ARFGEF2: variants seen among roughly 807,000 people sequenced by gnomAD.
ARFGEF2 encodes the protein brefeldin A-inhibited guanine nucleotide-exchange protein 2.
Under a neutral mutation model 219.9 loss-of-function variants are expected in ARFGEF2, and 74 were observed. The observed-to-expected ratio is 0.34, with a 90% CI of 0.28 to 0.41. ARFGEF2 has a LOEUF of 0.41. Ranked by LOEUF, ARFGEF2 falls within the 10% of genes least tolerant of loss-of-function variation. The pLI, the probability that ARFGEF2 is intolerant of heterozygous loss-of-function variation, is 1.00. For synonymous variants in ARFGEF2, 733 were observed against 799.2 expected (o/e 0.92, Z 1.40); for missense variants, 1,743 against 2,218.3 (o/e 0.79, Z 4.30).
At chr20:48,974,505 A>G (rs1435574430) in intron 12 of ARFGEF2, among the ~76,000 whole-genome samples, 1 of 152,098 alleles carries the variant, frequency 6.6e-6, no homozygotes, top group Non-Finnish European at 1.5e-5. Context: ...AATCCAAATA[A>G]CATTGTTCAT....
At chr20:49,028,056 G>A (rs1338964881) in intron 36 of ARFGEF2, among the ~76,000 whole-genome samples, 1 of 152,100 alleles carries the variant, frequency 6.6e-6, no homozygotes, top group African/African-American at 2.4e-5. Context: ...TCAGGAGTTC[G>A]AGACCAGCCT....
chr20:48,971,182 C>T lies in ARFGEF2; in HGVS notation c.1253C>T (p.Ala418Val). Residue 418 changes from alanine to valine, a missense_variant, in exon 10 of 39, where the codon GCT (alanine) becomes GTT (valine). By Grantham distance (64) the Ala-to-Val change is moderately conservative. Around this residue, in one of 5 missense-constraint regions of ARFGEF2, gnomAD observed 666 missense variants for 955.4 expected, o/e 0.70. Transcript: ENST00000371917. Reference protein sequence around the residue: ...LQLLLSVLQNAGPVFRTHEMF... With the variant: ...LQLLLSVLQNVGPVFRTHEMF... ...CTGCTCCTCTCTGTGTTGCAAAATG[C>T]TGGCCCCGTATTCAGGACTCACGAG... is the stretch of plus-strand genomic sequence containing the variant. 1 of 1,614,170 alleles carries T rather than the reference C, an allele frequency of 6.2e-7. No individual in the cohort carries two copies. The highest frequency in any genetic ancestry group is 1.1e-5 in the South Asian group (1 of 91,078).
intron 6 of ARFGEF2, among the ~76,000 whole-genome samples, chr20:48,961,143 C>A (rs1313490327): frequency 1.4e-5 from 2 of 147,110 alleles, no homozygotes; most frequent in Non-Finnish European, 3.0e-5. Context: ...TTAATTTTAG[C>A]TTACTGTAAC....
chr20:49,023,757 C>A (rs2091583566), intron 35 of ARFGEF2, among the ~76,000 whole-genome samples: 1 of 151,826 alleles, frequency 6.6e-6, no homozygotes, highest in Non-Finnish European at 1.5e-5. Flanking sequence ...CCAGGATGGT[C>A]TCGATCTCCT....
intron 35 of ARFGEF2, among the ~76,000 whole-genome samples, chr20:49,024,199 T>C (rs1405086663): frequency 2.0e-5 from 3 of 152,036 alleles, no homozygotes; most frequent in Non-Finnish European, 2.9e-5. Flanking sequence ...TCTCAAACTC[T>C]TGGACTCAAG....
In ARFGEF2 at chr20:49,033,095, C is replaced by G; in HGVS notation, c.5254C>G (p.Arg1752Gly). ...GCAGTTTGACCTGATCCCTGAGCTC[C>G]GAGCAGTTCTGCGGAAGTTCTTCCT... The part of the protein sequence containing the change: ...IMQFDLIPEL[R>G]AVLRKFFLRI... Residue 1752 changes from arginine (R) to glycine (G), a missense_variant, in exon 39 of 39, where the codon CGA becomes GGA. Around this residue, in one of 5 missense-constraint regions of ARFGEF2, gnomAD observed 578 missense variants for 664.0 expected, o/e 0.87. Coordinates refer to ENST00000371917, the MANE Select transcript of ARFGEF2 (RefSeq NM_006420.3). 1 of 1,614,052 alleles carries G rather than the reference C, an allele frequency of 6.2e-7. No individual in the cohort carries two copies. The highest frequency in any genetic ancestry group is 1.1e-5 in the South Asian group (1 of 91,084).
At position 49,033,157 on chromosome 20, in the gene ARFGEF2, A is replaced by C. The variant is rs1056619925; in HGVS notation, c.5316A>C (p.Glu1772Asp). The change falls in exon 39 of 39, where the codon GAA (glutamate) becomes GAC (aspartate). Residue 1772 changes from glutamate (E) to aspartate (D), a missense_variant. Transcript: ENST00000371917. ...TTGTGTATAAGATATGGATACCAGA[A>C]GAGCCATCACAGGTACCAGCAGCAC... ...IGVVYKIWIPEEPSQVPAALS... is the reference protein window; with the variant it reads ...IGVVYKIWIPDEPSQVPAALS... 6 of 1,614,120 alleles carry C rather than the reference A, an allele frequency of 3.7e-6. No homozygotes were observed. The African/African-American group carries it at 8.0e-5, about 22-fold the overall frequency.
chr20:48,978,887 G>A lies in ARFGEF2; in HGVS notation c.1958+2688G>A, dbSNP rs532581963. ...GGAGATTTTGGGCTGAGACGATGGG[G>A]TTTTCTAAACATACAATCATGTCAT... On this transcript the variant is annotated intron_variant, in intron 14 of 38. Transcript: ENST00000371917. Among the ~76,000 whole-genome samples the A allele has an allele frequency of 3.3e-5, 5 of 152,316 alleles. No homozygotes were observed. The South Asian group carries it at 1.0e-3, about 32-fold the overall frequency.
At chr20:48,977,319 A>G (rs991694443) in intron 14 of ARFGEF2, among the ~76,000 whole-genome samples, 2 of 152,120 alleles carry the variant, frequency 1.3e-5, no homozygotes, top group African/African-American at 4.8e-5. Context: ...ATCCTTTCTT[A>G]TGAGGCATAG....
At chr20:48,966,091 T>G in intron 8 of ARFGEF2, 68 bp downstream of exon 8, 1 of 1,591,970 alleles carries the variant, frequency 6.3e-7, no homozygotes. Flanking sequence ...CAGAATTAAG[T>G]CTTTCCTCAA....
At chr20:49,027,075 T>A (rs539870870) in intron 36 of ARFGEF2, among the ~76,000 whole-genome samples, 100 of 152,172 alleles carry the variant, frequency 6.6e-4, no homozygotes, top group Non-Finnish European at 1.3e-3. Flanking sequence ...GTGTTCTTTT[T>A]TTTTTATTAT....
rs537435701 is a variant in ARFGEF2 at position 48,982,952 on chromosome 20, C to T, written c.1959-1777C>T. Among the ~76,000 whole-genome samples, 7 of 152,296 alleles carry T rather than the reference C, an allele frequency of 4.6e-5. No homozygotes were observed. In the East Asian group the frequency reaches 5.8e-4, roughly 13 times the overall value. ...AAATCCTCCGACCCCTTACGCTTCC[C>T]GGGTAAAGCGATGCCCCGCCCTGCT... is the stretch of plus-strand genomic sequence containing the variant. On this transcript the variant is annotated intron_variant, in intron 14 of 38. Coordinates refer to ENST00000371917, the MANE Select transcript of ARFGEF2 (RefSeq NM_006420.3).
chr20:49,024,047 C>G (rs73266210), intron 35 of ARFGEF2, among the ~76,000 whole-genome samples: 2,151 of 152,248 alleles, frequency 0.014, 46 homozygotes, highest in African/African-American at 0.049. Context: ...TCACAGGTAA[C>G]TGGGGTTTCA....
At chr20:48,965,205 A>G (rs1049608071) in intron 7 of ARFGEF2, among the ~76,000 whole-genome samples, 2 of 152,222 alleles carry the variant, frequency 1.3e-5, no homozygotes, top group Admixed American at 1.3e-4. Flanking sequence ...TCCAGCCGCT[A>G]CTGCAGAGCC....
At chr20:48,993,161 C>A (rs1367017383) in intron 21 of ARFGEF2, among the ~76,000 whole-genome samples, 1 of 152,172 alleles carries the variant, frequency 6.6e-6, no homozygotes, top group Non-Finnish European at 1.5e-5. Context: ...TCTTCTAAAA[C>A]ATTTTTTTAG....
intron 36 of ARFGEF2, among the ~76,000 whole-genome samples, chr20:49,025,931 G>A (rs1035691223): frequency 1.3e-5 from 2 of 150,726 alleles, no homozygotes; most frequent in African/African-American, 2.4e-5. Flanking sequence ...GCGGTGAGCC[G>A]AGATTGCGCC....
At chr20:48,931,381 C>T (rs2090912426) in intron 1 of ARFGEF2, among the ~76,000 whole-genome samples, 1 of 152,008 alleles carries the variant, frequency 6.6e-6, no homozygotes, top group African/African-American at 2.4e-5. Flanking sequence ...CTGAAGAATT[C>T]TCAGTACTTG....
chr20:48,935,042 C>G (rs1192725363), intron 1 of ARFGEF2, among the ~76,000 whole-genome samples: 1 of 152,194 alleles, frequency 6.6e-6, no homozygotes. Context: ...TTAATGATTG[C>G]CATTCTAACT....
At position 49,036,429 on chromosome 20, in the gene ARFGEF2, G is replaced by A. The variant is rs2091666471; in HGVS notation, c.*3230G>A. The A allele has an allele frequency of 5.1e-6, 2 of 393,330 alleles. No homozygotes were observed. Among genetic ancestry groups the A allele is most frequent in the African/African-American group, 2.1e-5 (1 of 48,494 alleles). The allele number at this position is 393,330 out of a possible 1,614,324, so 24.4% of individuals were successfully genotyped here. ...TGCATCAAATATTTATGTGTAAAATGTATGTTTTACCTCCTTAAAATGCCT... is the reference window on the plus strand; with the variant it reads ...TGCATCAAATATTTATGTGTAAAATATATGTTTTACCTCCTTAAAATGCCT... On this transcript the variant is annotated 3_prime_UTR_variant, in exon 39 of 39. Transcript: ENST00000371917.
Sources: gnomAD v4.1 joint callset for allele counts (sites outside exome capture counted in the v4.1 genomes callset) on GRCh38, gnomAD v4.1.1 for gene constraint, gnomAD v4.1.1 regional missense constraint, MANE v1.5 for transcripts, NCBI Gene and HGNC (gene_info 2026-07-23, HGNC 2026-07-21) for gene names.